Variants in ZC3HAV1 observed in about 807,000 individuals in gnomAD.
ZC3HAV1 encodes zinc finger CCCH-type containing, antiviral 1.
A neutral mutation model predicts 86.6 loss-of-function variants in ZC3HAV1; 41 were observed. The ratio of observed to expected loss-of-function variants is 0.47; its 90% CI spans 0.37 to 0.61. ZC3HAV1 has a LOEUF of 0.61. Among genes scored for constraint, ZC3HAV1 ranks in the 20% least tolerant of loss-of-function variants. The pLI is 0.00. For synonymous variants in ZC3HAV1, 421 were observed against 432.1 expected (o/e 0.97, Z 0.32); for missense variants, 964 against 1,141.1 (o/e 0.84, Z 2.24).
intron 1 of ZC3HAV1, among the ~76,000 whole-genome samples, chr7:139,097,425 T>C (rs1178572094): frequency 1.2e-5 from 1 of 82,660 alleles, no homozygotes; most frequent in Non-Finnish European, 2.3e-5. Context: ...TATATATATA[T>C]ATATTTTTTT....
intron 1 of ZC3HAV1, among the ~76,000 whole-genome samples, chr7:139,102,190 G>A (rs1408707052): frequency 1.3e-5 from 2 of 152,140 alleles, no homozygotes; most frequent in African/African-American, 2.4e-5. Flanking sequence ...CTGGAGGGCA[G>A]TGGCGCAACT....
chr7:139,096,759 G>C (rs911200424), intron 1 of ZC3HAV1, among the ~76,000 whole-genome samples: 1 of 152,176 alleles, frequency 6.6e-6, no homozygotes, highest in Non-Finnish European at 1.5e-5. Context: ...CAGTCTTCCA[G>C]GAAGTGTACC....
At chr7:139,105,257 C>T (rs1265403224) in intron 1 of ZC3HAV1, among the ~76,000 whole-genome samples, 1 of 151,964 alleles carries the variant, frequency 6.6e-6, no homozygotes, top group Non-Finnish European at 1.5e-5. Flanking sequence ...GGTTCAAATA[C>T]CAATCCTGCC....
At chr7:139,063,027 C>CAAAAAAAAAAAA (rs58859916) in intron 8 of ZC3HAV1, among the ~76,000 whole-genome samples, 54 of 67,992 alleles carry the variant, frequency 7.9e-4, no homozygotes, top group East Asian at 1.7e-3. Context: ...GACTCTGTCT[C>CAAAAAAAAAAAA]AAAAAAAAAA....
At chr7:139,106,009 G>A (rs1477341931) in intron 1 of ZC3HAV1, among the ~76,000 whole-genome samples, 9 of 151,928 alleles carry the variant, frequency 5.9e-5, no homozygotes, top group East Asian at 1.9e-4. Context: ...GATATAAAAT[G>A]AAATTAAAAA....
chr7:139,067,654 T>C (rs776042509), intron 7 of ZC3HAV1, among the ~76,000 whole-genome samples: 2 of 152,198 alleles, frequency 1.3e-5, no homozygotes, highest in Non-Finnish European at 2.9e-5. Flanking sequence ...ACCCTGACTT[T>C]ACTACTAGGT....
intron 4 of ZC3HAV1, 192 bp downstream of exon 4, chr7:139,079,278 T>C (rs1268592336): frequency 6.5e-7 from 1 of 1,537,106 alleles, no homozygotes; most frequent in Admixed American, 2.0e-5. Flanking sequence ...CCAGGTGTGG[T>C]GGGGACCAGG....
At chr7:139,107,943 C>T (rs1239536312) in intron 1 of ZC3HAV1, among the ~76,000 whole-genome samples, 2 of 152,168 alleles carry the variant, frequency 1.3e-5, no homozygotes, top group Non-Finnish European at 2.9e-5. Flanking sequence ...ACAAGGCGTT[C>T]ATTCAGTTCA....
chr7:139,087,566 C>G (rs1278929101), intron 2 of ZC3HAV1, among the ~76,000 whole-genome samples: 1 of 152,272 alleles, frequency 6.6e-6, no homozygotes, highest in East Asian at 1.9e-4. Context: ...CAACCCCCAA[C>G]AAGTCTTTAT....
rs976896128 is a variant in ZC3HAV1 at position 139,045,070 on chromosome 7, C to T, written c.*2524G>A. 6.6e-6 allele frequency: 1 copy of T among 152,192 alleles called. No individual in the cohort carries two copies. Among genetic ancestry groups the T allele is most frequent in the African/African-American group, 2.4e-5 (1 of 41,450 alleles). The allele number at this position is 152,192 out of a possible 1,614,324, so 9.4% of individuals were successfully genotyped here. The stretch of plus-strand genomic sequence containing the variant: ...GACTACTTCATTAGGTCTTCAGTTA[C>T]AGCTGTGCCCAAGTTAGGTACCTTT... On this transcript the variant is annotated 3_prime_UTR_variant, in exon 13 of 13. Coordinates refer to ENST00000242351, the MANE Select transcript of ZC3HAV1 (RefSeq NM_020119.4).
chr7:139,076,523 G>T (rs1307164329), intron 5 of ZC3HAV1, 114 bp from the exon 6 acceptor site: 15 of 1,391,058 alleles, frequency 1.1e-5, no homozygotes, highest in East Asian at 9.4e-5. Context: ...TGCCAGACAG[G>T]TTCCATCTAT....
chr7:139,084,825 A>G lies in ZC3HAV1; in HGVS notation c.445-793T>C, dbSNP rs377068835. 1.1e-4 allele frequency among the ~76,000 whole-genome samples: 16 copies of G among 152,368 alleles called. No homozygotes were observed. The South Asian group carries it at 1.4e-3, about 14-fold the overall frequency. ...TTTGAACCATGAAATGAGGAAACCA[A>G]TATAATTAGTAAGAAACCTGAATTT... On this transcript the variant is annotated intron_variant, in intron 2 of 12. Transcript: ENST00000242351.
At chr7:139,092,694 A>G (rs909773481) in intron 1 of ZC3HAV1, among the ~76,000 whole-genome samples, 2 of 152,224 alleles carry the variant, frequency 1.3e-5, no homozygotes, top group African/African-American at 4.8e-5. Flanking sequence ...AAAGGTGCTC[A>G]TGTCTGAAAG....
Position 139,047,707 on chromosome 7 carries a change from T to C in ZC3HAV1, c.2596A>G (p.Ser866Gly), listed in dbSNP as rs772047303. The change falls in exon 13 of 13, where the codon AGC (serine) becomes GGC (glycine). Residue 866 changes from serine (S) to glycine (G), a missense_variant. Transcript: ENST00000242351. Reference protein sequence around the residue: ...TYTSPPPQFDSCVDTRSNPSV... With the variant: ...TYTSPPPQFDGCVDTRSNPSV... Reference sequence around the variant, plus strand: ...GGATTCGATCTGGTATCCACACAGCTGTCGAACTGTGGAGGAGGGCTCGTG... The same window carrying C: ...GGATTCGATCTGGTATCCACACAGCCGTCGAACTGTGGAGGAGGGCTCGTG... The C allele has an allele frequency of 2.5e-6, 4 of 1,614,042 alleles. No homozygotes were observed. Among genetic ancestry groups the C allele is most frequent in the Admixed American group, 3.3e-5 (2 of 59,978 alleles).
In ZC3HAV1 at chr7:139,053,566, C is replaced by A; in HGVS notation, c.2334G>T (p.Met778Ile). 6.3e-7 allele frequency: 1 copy of A among 1,597,966 alleles called. No homozygotes were observed. The part of the protein sequence containing the change: ...LDKFTWKKSQ[M>I]KEEGKLLFYA... ...AAAATAGGAGTTTTCCTTCTTCCTT[C>A]ATCTGCGATTTCTTCCTAATATAAG... Residue 778 changes from methionine (M) to isoleucine (I), a missense_variant, in exon 12 of 13, where the codon ATG (methionine) becomes ATT (isoleucine). Met to Ile is a conservative substitution (Grantham distance 10). Transcript: ENST00000242351.
chr7:139,097,375 A>ATGGAT, intron 1 of ZC3HAV1, among the ~76,000 whole-genome samples: 1 of 134,120 alleles, frequency 7.5e-6, no homozygotes, highest in East Asian at 2.3e-4. Context: ...ACAATCCATC[A>ATGGAT]TGGATGGAAA....
At chr7:139,076,517 A>G in intron 5 of ZC3HAV1, 108 bp from the exon 6 acceptor site, 1 of 1,445,656 alleles carries the variant, frequency 6.9e-7, no homozygotes, top group Non-Finnish European at 9.4e-7. Context: ...GCCCCCTGCC[A>G]GACAGGTTCC....
chr7:139,100,822 A>C, intron 1 of ZC3HAV1, among the ~76,000 whole-genome samples: 1 of 150,474 alleles, frequency 6.6e-6, no homozygotes, highest in East Asian at 2.0e-4. Context: ...CTCTCTTTCC[A>C]CGGTCTCCCT....
At chr7:139,098,354 A>G (rs1046501332) in intron 1 of ZC3HAV1, among the ~76,000 whole-genome samples, 44 of 152,268 alleles carry the variant, frequency 2.9e-4, no homozygotes, top group Admixed American at 2.6e-3. Context: ...AGAATTTTCC[A>G]TCATAGAATG....
Sources: gnomAD v4.1 joint callset for allele counts (sites outside exome capture counted in the v4.1 genomes callset) on GRCh38, gnomAD v4.1.1 for gene constraint, MANE v1.5 for transcripts, NCBI Gene and HGNC (gene_info 2026-07-23, HGNC 2026-07-21) for gene names.